Variants in DGUOK observed in about 807,000 individuals in gnomAD.
DGUOK encodes deoxyguanosine kinase.
Under a neutral mutation model 36.6 loss-of-function variants are expected in DGUOK, and 30 were observed. The ratio of observed to expected loss-of-function variants is 0.82; its 90% CI spans 0.61 to 1.11. The LOEUF is 1.11. Among genes scored for constraint, DGUOK ranks in the 50% most tolerant of loss-of-function variants. The pLI is 0.00. For synonymous variants in DGUOK, 145 were observed against 126.3 expected (o/e 1.15, Z -0.99); for missense variants, 361 against 336.4 (o/e 1.07, Z -0.57).
chr2:73,940,051 G>A (rs1163688038), intron 2 of DGUOK, among the ~76,000 whole-genome samples: 1 of 151,800 alleles, frequency 6.6e-6, no homozygotes, highest in Non-Finnish European at 1.5e-5. Flanking sequence ...ATGGGTGCAT[G>A]CCACCATGCT....
At chr2:73,954,549 CAA>C (rs1306111573) in intron 4 of DGUOK, among the ~76,000 whole-genome samples, 1 of 151,822 alleles carries the variant, frequency 6.6e-6, no homozygotes, top group Non-Finnish European at 1.5e-5. Context: ...TTTTAAAACT[CAA>C]AAGAGAAATA....
In DGUOK at chr2:73,958,718, C is replaced by T; in HGVS notation, c.816C>T (p.Thr272=). 2 of 1,611,950 alleles carry T rather than the reference C, an allele frequency of 1.2e-6. No individual in the cohort carries two copies. Among genetic ancestry groups the T allele is most frequent in the Non-Finnish European group, 1.7e-6 (2 of 1,178,010 alleles). The change falls in exon 7 of 7, where the codon ACC becomes ACT. Residue 272 remains threonine, a synonymous_variant. Coordinates refer to ENST00000264093, the MANE Select transcript of DGUOK (RefSeq NM_080916.3). ...KQEDLMREVN[T]FVKNL ...TTTTCTCCTTCCCACAGGTAAACAC[C>T]TTTGTAAAGAATCTGTAACCAATAC...
chr2:73,949,755 A>G (rs1377396743), intron 3 of DGUOK, among the ~76,000 whole-genome samples: 1 of 152,126 alleles, frequency 6.6e-6, no homozygotes, highest in Admixed American at 6.6e-5. Context: ...TTAGGATGCA[A>G]ATTGTGTTTT....
chr2:73,931,268 T>G (rs1156637506), intron 1 of DGUOK, among the ~76,000 whole-genome samples: 7 of 151,124 alleles, frequency 4.6e-5, no homozygotes, highest in Non-Finnish European at 1.0e-4. Flanking sequence ...TTTTTGGGGG[T>G]TTTTTTGTTT....
At chr2:73,944,878 C>CA (rs1205668641) in intron 2 of DGUOK, among the ~76,000 whole-genome samples, 3 of 152,194 alleles carry the variant, frequency 2.0e-5, no homozygotes, top group Non-Finnish European at 4.4e-5. Flanking sequence ...ACAGAGACTA[C>CA]AGGAGACACA....
rs1477947507 is a variant in DGUOK at position 73,938,899 on chromosome 2, T to G, written c.143-11T>G. On this transcript the variant is annotated splice_polypyrimidine_tract_variant and intron_variant, in intron 1 of 6. Transcript: ENST00000264093. The stretch of plus-strand genomic sequence containing the variant: ...TGGGAAGCATCCCAATACATGCTAT[T>G]TGCATTGCAGCTGTGGGAAAGTCCA... 6.3e-7 allele frequency: 1 copy of G among 1,589,906 alleles called. No individual in the cohort carries two copies. The highest frequency in any genetic ancestry group is 8.6e-7 in the Non-Finnish European group (1 of 1,158,054).
At position 73,949,345 on chromosome 2, in the gene DGUOK, A is replaced by G. The variant is rs1573556166; in HGVS notation, c.444-1240A>G. Among the ~76,000 whole-genome samples the G allele has an allele frequency of 2.0e-5, 3 of 152,228 alleles. No individual in the cohort carries two copies. In the South Asian group the frequency reaches 6.2e-4, roughly 32 times the overall value. ...TGTTACCCTTTTATTTGTTCTCATC[A>G]ACTAGACTATGGCTAAACCATTCCA... is the stretch of plus-strand genomic sequence containing the variant. On this transcript the variant is annotated intron_variant, in intron 3 of 6. Transcript: ENST00000264093.
rs898675541 is a variant in DGUOK at position 73,941,467 on chromosome 2, A to G, written c.255+2445A>G. Among the ~76,000 whole-genome samples the G allele has an allele frequency of 3.3e-5, 5 of 152,358 alleles. No individual in the cohort carries two copies. In the East Asian group the frequency reaches 9.6e-4, roughly 29 times the overall value. On this transcript the variant is annotated intron_variant, in intron 2 of 6. Coordinates refer to ENST00000264093, the MANE Select transcript of DGUOK (RefSeq NM_080916.3). Reference sequence around the variant, plus strand: ...TAAAATGGACATTTTTCTACAGAGAAAATGTATAGATTTACATATACTTAC... The same window carrying G: ...TAAAATGGACATTTTTCTACAGAGAGAATGTATAGATTTACATATACTTAC...
At chr2:73,958,049 T>C (rs547332715) in intron 5 of DGUOK, 97 bp from the exon 6 acceptor site, 2 of 921,884 alleles carry the variant, frequency 2.2e-6, no homozygotes, top group South Asian at 2.8e-5. Context: ...ATGTTGAATT[T>C]AGATCTGTTC....
At chr2:73,953,049 T>C (rs1425988677) in intron 4 of DGUOK, among the ~76,000 whole-genome samples, 2 of 151,968 alleles carry the variant, frequency 1.3e-5, no homozygotes, top group Non-Finnish European at 2.9e-5. Context: ...CAGCCTTGCT[T>C]TATAACATCC....
intron 2 of DGUOK, among the ~76,000 whole-genome samples, chr2:73,940,859 A>G (rs1316473123): frequency 6.6e-6 from 1 of 152,222 alleles, no homozygotes; most frequent in South Asian, 2.1e-4. Flanking sequence ...TTGTGTGAGT[A>G]CATTTTCTGA....
chr2:73,939,689 C>T (rs1681753536), intron 2 of DGUOK, among the ~76,000 whole-genome samples: 1 of 152,182 alleles, frequency 6.6e-6, no homozygotes, highest in South Asian at 2.1e-4. Flanking sequence ...ATGAACTGCT[C>T]CTGCCGCCAC....
intron 3 of DGUOK, among the ~76,000 whole-genome samples, chr2:73,949,478 C>T (rs1682557181): frequency 6.6e-6 from 1 of 152,194 alleles, no homozygotes. Flanking sequence ...GCCAGTCACT[C>T]TTCTAAGCAC....
rs777673086 is a variant in DGUOK, at chr2:73,938,896, T to C, written c.143-14T>C. On this transcript the variant is annotated splice_polypyrimidine_tract_variant and intron_variant, in intron 1 of 6. Transcript: ENST00000264093. ...ATTTGGGAAGCATCCCAATACATGC[T>C]ATTTGCATTGCAGCTGTGGGAAAGT... is the stretch of plus-strand genomic sequence containing the variant. 1 of 1,576,340 alleles carries C rather than the reference T, an allele frequency of 6.3e-7. No homozygotes were observed. Among genetic ancestry groups the C allele is most frequent in the Non-Finnish European group, 8.7e-7 (1 of 1,145,612 alleles).
chr2:73,935,344 CAG>C (rs1282158503), intron 1 of DGUOK, among the ~76,000 whole-genome samples: 2 of 152,174 alleles, frequency 1.3e-5, no homozygotes, highest in East Asian at 1.9e-4. Flanking sequence ...TTTCTGTAGA[CAG>C]GGGTGTTCTG....
chr2:73,955,495 GA>G (rs1399981136), intron 4 of DGUOK, among the ~76,000 whole-genome samples: 2 of 152,284 alleles, frequency 1.3e-5, no homozygotes, highest in South Asian at 2.1e-4. Context: ...AGATAAGAGG[GA>G]AACAGCAAAG....
chr2:73,945,086 T>C (rs1682196611), intron 2 of DGUOK, among the ~76,000 whole-genome samples: 1 of 152,240 alleles, frequency 6.6e-6, no homozygotes, highest in South Asian at 2.1e-4. Context: ...TGGAATCTAA[T>C]AGTGCTATTT....
At position 73,926,978 on chromosome 2, in the gene DGUOK, T is replaced by C; in HGVS notation, c.68T>C (p.Leu23Pro). ...TTCAGTTCCATGGCCAAGAGCCCAC[T>C]CGAGGGCGTTTCCTCCTCCAGAGGC... ...APFSSMAKSP[L>P]EGVSSSRGLH... The change falls in exon 1 of 7, where the codon CTC (leucine) becomes CCC (proline). Residue 23 changes from leucine to proline, a missense_variant. Physicochemically the swap from Leu to Pro is moderately conservative, Grantham distance 98 (BLOSUM62 -3). Coordinates refer to ENST00000264093, the MANE Select transcript of DGUOK (RefSeq NM_080916.3). 6.2e-7 allele frequency: 1 copy of C among 1,612,806 alleles called. No individual in the cohort carries two copies. The highest frequency in any genetic ancestry group is 8.5e-7 in the Non-Finnish European group (1 of 1,180,028).
In DGUOK at chr2:73,929,110, C is replaced by T. The variant is rs1019826628; in HGVS notation, c.142+2058C>T. Reference sequence around the variant, plus strand: ...ATTTCCTCCTCTCCTTCTTCCTCCCCTCCCCTCGCTTCCCCTCCTTTGGTG... The same window carrying T: ...ATTTCCTCCTCTCCTTCTTCCTCCCTTCCCCTCGCTTCCCCTCCTTTGGTG... On this transcript the variant is annotated intron_variant, in intron 1 of 6. Coordinates refer to ENST00000264093, the MANE Select transcript of DGUOK (RefSeq NM_080916.3). 3.3e-5 allele frequency among the ~76,000 whole-genome samples: 5 copies of T among 152,126 alleles called. No individual in the cohort carries two copies. In the South Asian group the frequency reaches 8.3e-4, roughly 25 times the overall value.
Sources: allele counts gnomAD v4.1 joint callset (sites outside exome capture counted in the v4.1 genomes callset), GRCh38; gene constraint gnomAD v4.1.1; transcripts MANE v1.5; gene names NCBI Gene and HGNC (gene_info 2026-07-23, HGNC 2026-07-21).